Variants in ALG14 observed in about 807,000 individuals in gnomAD.
The protein encoded by ALG14 is ALG14 UDP-N-acetylglucosaminyltransferase subunit, also known as UDP-N-acetylglucosamine transferase subunit ALG14.
Under a neutral mutation model 22.8 loss-of-function variants are expected in ALG14, and 17 were observed. That is an observed-to-expected ratio of 0.75 (90% CI 0.51 to 1.12). The LOEUF (loss-of-function observed/expected upper bound fraction) is 1.12. ALG14 is among the 50% of genes most tolerant of loss of function. ALG14 has a pLI of 0.00. For missense variants in ALG14, 288 were observed against 271.8 expected, an observed-to-expected ratio of 1.06 and a Z score of -0.42; for synonymous variants, 89 against 103.7, an observed-to-expected ratio of 0.86 and a Z score of 0.86.
chr1:95,041,542 G>A (rs996834268), intron 2 of ALG14: 2 of 150,170 alleles, frequency 1.3e-5, no homozygotes, highest in African/African-American at 4.9e-5. Context: ...TTGAGCCCAG[G>A]AATTCAAAGA....
At chr1:95,040,207 A>ATAAG (rs1553229748) in intron 2 of ALG14, among the ~76,000 whole-genome samples, 1 of 150,382 alleles carries the variant, frequency 6.6e-6, no homozygotes, top group Non-Finnish European at 1.5e-5. Flanking sequence ...AAATAAATAA[A>ATAAG]TAAGATTCCT....
At chr1:95,019,187 T>G (rs1673586697) in intron 3 of ALG14, among the ~76,000 whole-genome samples, 1 of 152,254 alleles carries the variant, frequency 6.6e-6, no homozygotes, top group Admixed American at 6.5e-5. Flanking sequence ...CTGATTCCAC[T>G]GCAGGATTTC....
rs1672395354 is a variant in ALG14 at position 94,976,198 on chromosome 1, T to C, written c.*6878A>G. 6.6e-6 allele frequency: 1 copy of C among 152,022 alleles called. No homozygotes were observed. The highest frequency in any genetic ancestry group is 1.5e-5 in the Non-Finnish European group (1 of 67,998). 9.4% of individuals were successfully genotyped at this position (152,022 alleles called of 1,614,324 possible). On this transcript the variant is annotated 3_prime_UTR_variant, in exon 4 of 4. Transcript: ENST00000370205. Reference sequence around the variant, plus strand: ...TCCCTACAACTCTAACGCAGGTACATTATGCTTATTTTACAGAAAGGTCAA... The same window carrying C: ...TCCCTACAACTCTAACGCAGGTACACTATGCTTATTTTACAGAAAGGTCAA...
chr1:95,002,404 G>A (rs1053000572), intron 3 of ALG14, among the ~76,000 whole-genome samples: 2 of 152,066 alleles, frequency 1.3e-5, no homozygotes, highest in South Asian at 2.1e-4. Flanking sequence ...GAGGCTGAGC[G>A]GGTTGGGGAT....
At chr1:94,983,535 G>C in intron 3 of ALG14, 1 of 529,944 alleles carries the variant, frequency 1.9e-6, no homozygotes, top group Non-Finnish European at 3.4e-6. Context: ...TGTGACTCAG[G>C]GCAAATCACT....
chr1:95,029,171 C>T (rs983401280), intron 2 of ALG14, among the ~76,000 whole-genome samples: 67 of 150,988 alleles, frequency 4.4e-4, no homozygotes, highest in Non-Finnish European at 7.7e-4. Context: ...GAAGGTTTGA[C>T]TGGGGCAGGA....
chr1:95,068,874 C>A (rs1242452441), intron 1 of ALG14, among the ~76,000 whole-genome samples: 1 of 152,152 alleles, frequency 6.6e-6, no homozygotes, highest in Non-Finnish European at 1.5e-5. Context: ...TAACATCCAT[C>A]CATTTGTTCA....
chr1:94,985,481 G>A (rs1033910284), intron 3 of ALG14, among the ~76,000 whole-genome samples: 59 of 151,968 alleles, frequency 3.9e-4, no homozygotes, highest in African/African-American at 1.4e-3. Context: ...CCTAATCCTT[G>A]GATTATTTGT....
chr1:95,055,999 ACT>A (rs1314177762), intron 2 of ALG14, among the ~76,000 whole-genome samples: 18 of 145,228 alleles, frequency 1.2e-4, no homozygotes, highest in Non-Finnish European at 2.6e-4. Context: ...ACAGAGTGAG[ACT>A]CTGTCTCAAA....
intron 2 of ALG14, among the ~76,000 whole-genome samples, chr1:95,059,296 C>T (rs1675049716): frequency 6.7e-6 from 1 of 148,418 alleles, no homozygotes; most frequent in South Asian, 2.1e-4. Context: ...ACTAGGGGGG[C>T]TGAGGCAGGA....
intron 2 of ALG14, among the ~76,000 whole-genome samples, chr1:95,028,322 C>G (rs1468764539): frequency 6.6e-6 from 1 of 152,110 alleles, no homozygotes; most frequent in Non-Finnish European, 1.5e-5. Context: ...ATCTTCCCAC[C>G]TCAGCCTCCA....
Position 94,978,168 on chromosome 1 carries a change from A to G in ALG14, c.*4908T>C, listed in dbSNP as rs1048948428. 6.6e-6 allele frequency: 1 copy of G among 151,322 alleles called. No individual in the cohort carries two copies. Among genetic ancestry groups the G allele is most frequent in the East Asian group, 2.0e-4 (1 of 5,124 alleles). The allele number at this position is 151,322 out of a possible 1,614,324, so 9.4% of individuals were successfully genotyped here. ...AACCTCCACCTCCCTGGTTCAAGCA[A>G]TTATTTGCCTCAGCCTCCCAAGTAG... On this transcript the variant is annotated 3_prime_UTR_variant, in exon 4 of 4. Transcript: ENST00000370205.
intron 2 of ALG14, among the ~76,000 whole-genome samples, chr1:95,061,279 G>C (rs1675137428): frequency 6.6e-6 from 1 of 152,102 alleles, no homozygotes; most frequent in South Asian, 2.1e-4. Flanking sequence ...ATACAGTATT[G>C]ATTCCTAAAA....
intron 3 of ALG14, among the ~76,000 whole-genome samples, chr1:94,986,865 G>C (rs143898435): frequency 6.6e-6 from 1 of 150,532 alleles, no homozygotes; most frequent in East Asian, 2.0e-4. Context: ...TGCTTGTGTA[G>C]ACCTGACTCC....
At position 94,983,031 on chromosome 1, in the gene ALG14, T is replaced by C. The variant is rs376803101; in HGVS notation, c.*45A>G. The C allele has an allele frequency of 1.3e-6, 2 of 1,553,130 alleles. No individual in the cohort carries two copies. Among genetic ancestry groups the C allele is most frequent in the South Asian group, 2.2e-5 (2 of 89,622 alleles). On this transcript the variant is annotated 3_prime_UTR_variant, in exon 4 of 4. Transcript: ENST00000370205. ...TTTTTTTCCCCCCAATTTGAGTACA[T>C]ACTACTGTTAACTGCAAAATTCTAA...
intron 2 of ALG14, among the ~76,000 whole-genome samples, chr1:95,055,411 T>C (rs1244825040): frequency 2.0e-5 from 3 of 152,030 alleles, no homozygotes; most frequent in East Asian, 1.9e-4. Context: ...CTAAAAGATA[T>C]ATTACTTCCA....
intron 2 of ALG14, among the ~76,000 whole-genome samples, chr1:95,033,418 TATAC>T (rs781186687): frequency 0.021 from 2,744 of 130,294 alleles, 41 homozygotes; most frequent in East Asian, 0.1. Context: ...TATATATATA[TATAC>T]ACACACACAC....
intron 2 of ALG14, among the ~76,000 whole-genome samples, chr1:95,063,338 T>C (rs994481860): frequency 6.6e-6 from 1 of 152,212 alleles, no homozygotes; most frequent in Middle Eastern, 3.2e-3. Flanking sequence ...TGCAATTGCT[T>C]TTGGCATTTT....
intron 3 of ALG14, among the ~76,000 whole-genome samples, chr1:94,999,232 A>T (rs1157833621): frequency 1.3e-5 from 2 of 151,866 alleles, no homozygotes; most frequent in African/African-American, 4.8e-5. Context: ...GCAAAAGAAA[A>T]ATGCAATTTA....
Sources: gnomAD v4.1 joint callset for allele counts (sites outside exome capture counted in the v4.1 genomes callset) on GRCh38, gnomAD v4.1.1 for gene constraint, MANE v1.5 for transcripts, NCBI Gene and HGNC (gene_info 2026-07-23, HGNC 2026-07-21) for gene names.